WFDC1: variants seen among roughly 807,000 people sequenced by gnomAD.
WFDC1 encodes WAP four-disulfide core domain protein 1.
Under a neutral mutation model 32.9 loss-of-function variants are expected in WFDC1, and 39 were observed. The ratio of observed to expected loss-of-function variants is 1.19; its 90% confidence interval spans 0.92 to 1.55. WFDC1 has a LOEUF of 1.55. Ranked by LOEUF, WFDC1 falls within the 40% of genes most tolerant of loss-of-function variation. The pLI is 0.00. For synonymous variants in WFDC1, 184 were observed against 137.4 expected, an observed-to-expected ratio of 1.34 and a Z score of -2.37; for missense variants, 386 against 309.5, an observed-to-expected ratio of 1.25 and a Z score of -1.85.
intron 2 of WFDC1, among the ~76,000 whole-genome samples, chr16:84,314,090 G>A (rs996083572): frequency 2.0e-5 from 3 of 152,276 alleles, no homozygotes; most frequent in Admixed American, 6.5e-5. Context: ...TGCAGCTCAC[G>A]GTGGACCTGC....
chr16:84,319,923 C>G (rs900852567), intron 4 of WFDC1, among the ~76,000 whole-genome samples: 1 of 152,156 alleles, frequency 6.6e-6, no homozygotes, highest in African/African-American at 2.4e-5. Context: ...TGACTGAAAT[C>G]ATAAGTGCAG....
At chr16:84,321,403 T>C (rs1370186152) in intron 4 of WFDC1, among the ~76,000 whole-genome samples, 1 of 152,212 alleles carries the variant, frequency 6.6e-6, no homozygotes, top group Admixed American at 6.5e-5. Context: ...TGCCAGCCAC[T>C]GTGAGGCTGC....
At chr16:84,311,970 A>G (rs929670993) in intron 1 of WFDC1, among the ~76,000 whole-genome samples, 1 of 152,096 alleles carries the variant, frequency 6.6e-6, no homozygotes, top group Admixed American at 6.5e-5. Flanking sequence ...GGTCCAGACC[A>G]GCCTGGCCAA....
intron 1 of WFDC1, among the ~76,000 whole-genome samples, chr16:84,308,235 A>C (rs988874177): frequency 1.3e-5 from 2 of 151,966 alleles, no homozygotes; most frequent in African/African-American, 4.8e-5. Flanking sequence ...CCCTGGGGGC[A>C]GCTGAAAACC....
At chr16:84,317,456 C>T (rs1908029697) in intron 2 of WFDC1, 1 of 152,146 alleles carries the variant, frequency 6.6e-6, no homozygotes, top group Non-Finnish European at 1.5e-5. Flanking sequence ...AGGCAGGAGG[C>T]ACTCTCTGCT....
chr16:84,297,814 C>G (rs1445312714), intron 1 of WFDC1, among the ~76,000 whole-genome samples: 2 of 152,072 alleles, frequency 1.3e-5, no homozygotes, highest in African/African-American at 4.8e-5. Context: ...CAGTCCTCAC[C>G]TGGGAAATGA....
At chr16:84,321,710 T>G (rs572847122) in intron 4 of WFDC1, among the ~76,000 whole-genome samples, 3 of 152,214 alleles carry the variant, frequency 2.0e-5, no homozygotes, top group Non-Finnish European at 4.4e-5. Flanking sequence ...ACTGTTAACA[T>G]GCACCTTTGG....
At chr16:84,302,970 C>T (rs1232611598) in intron 1 of WFDC1, among the ~76,000 whole-genome samples, 2 of 151,506 alleles carry the variant, frequency 1.3e-5, no homozygotes, top group East Asian at 3.9e-4. Context: ...CTGACAATGA[C>T]ATTGTTGGGA....
At chr16:84,313,300 C>T (rs369822011) in intron 2 of WFDC1, 147 bp downstream of exon 2, 3 of 657,928 alleles carry the variant, frequency 4.6e-6, no homozygotes, top group Non-Finnish European at 6.4e-6. Context: ...TGAACTGGGA[C>T]GGGCGCTCCT....
chr16:84,327,078 T>C, intron 6 of WFDC1, 123 bp downstream of exon 6: 2 of 928,580 alleles, frequency 2.2e-6, no homozygotes, highest in Non-Finnish European at 3.4e-6. Flanking sequence ...CTGGTAGAAT[T>C]TGAAATTCCC....
intron 1 of WFDC1, chr16:84,295,423 C>A: frequency 2.1e-6 from 1 of 487,198 alleles, no homozygotes; most frequent in African/African-American, 2.0e-5. Context: ...TTTCGGAACC[C>A]CAGGATTTAA....
In WFDC1 at chr16:84,311,600, C is replaced by T. The variant is rs1209404870; in HGVS notation, c.145-1361C>T. ...CTGGAGGGGAGTAGTGCGATCACAG[C>T]TCACTGCAGCCTTGACCTCCTGGGA... On this transcript the variant is annotated intron_variant, in intron 1 of 6. Coordinates refer to ENST00000219454, the MANE Select transcript of WFDC1 (RefSeq NM_021197.4). Among the ~76,000 whole-genome samples the T allele has an allele frequency of 4.2e-5, 6 of 144,476 alleles. 1 individual carries two copies. In the South Asian group the frequency reaches 1.1e-3, roughly 27 times the overall value. 94.8% of individuals were successfully genotyped at this position (144,476 alleles called of 152,430 possible).
At chr16:84,323,575 A>T (rs576694401) in intron 4 of WFDC1, among the ~76,000 whole-genome samples, 1 of 152,332 alleles carries the variant, frequency 6.6e-6, no homozygotes, top group East Asian at 1.9e-4. Flanking sequence ...GTTTTAAATG[A>T]AATTGTTTCT....
At chr16:84,308,087 AAAG>A (rs1381677409) in intron 1 of WFDC1, among the ~76,000 whole-genome samples, 1 of 152,214 alleles carries the variant, frequency 6.6e-6, no homozygotes, top group African/African-American at 2.4e-5. Context: ...ACAAGAGTAA[AAAG>A]AAGGGTTCTC....
At chr16:84,307,006 T>A (rs1252972434) in intron 1 of WFDC1, among the ~76,000 whole-genome samples, 1 of 151,962 alleles carries the variant, frequency 6.6e-6, no homozygotes, top group Non-Finnish European at 1.5e-5. Context: ...GAAGGCTGTA[T>A]GAGCAGATCC....
intron 1 of WFDC1, among the ~76,000 whole-genome samples, chr16:84,311,563 C>G (rs1907625407): frequency 7.5e-6 from 1 of 134,178 alleles, no homozygotes; most frequent in African/African-American, 2.8e-5. Context: ...GGGTCTCACT[C>G]TATTGCCCAG....
intron 3 of WFDC1, 50 bp from the exon 4 acceptor site, chr16:84,319,381 C>A (rs763037218): frequency 1.9e-6 from 3 of 1,592,884 alleles, no homozygotes; most frequent in African/African-American, 2.7e-5. Flanking sequence ...AGCATGTGCA[C>A]CTGTCCTGGG....
intron 1 of WFDC1, among the ~76,000 whole-genome samples, chr16:84,307,235 A>G (rs995304948): frequency 9.2e-5 from 14 of 152,164 alleles, no homozygotes; most frequent in Admixed American, 5.9e-4. Flanking sequence ...CCAGGGATAA[A>G]TTGGAGGGTA....
chr16:84,318,449 C>T lies in WFDC1; in HGVS notation c.421+94C>T, dbSNP rs1424920489. On this transcript the variant is annotated intron_variant, in intron 3 of 6. Transcript: ENST00000219454. ...AGCTGGCAGCACCAGGCCGGCTGTC[C>T]CCCATGCACGGGCCCTTCAGCCAAA... 3 of 1,234,748 alleles carry T rather than the reference C, an allele frequency of 2.4e-6. No individual in the cohort carries two copies. In the East Asian group the frequency reaches 7.4e-5, roughly 30 times the overall value. The allele number at this position is 1,234,748 out of a possible 1,614,324, so 76.5% of individuals were successfully genotyped here. A position where few individuals can be genotyped will look rare whatever the true frequency, so the allele number is the denominator to read the frequency against.
Sources: gnomAD v4.1 joint callset for allele counts (sites outside exome capture counted in the v4.1 genomes callset) on GRCh38, gnomAD v4.1.1 for gene constraint, MANE v1.5 for transcripts, NCBI Gene and HGNC (gene_info 2026-07-23, HGNC 2026-07-21) for gene names.